The following PTPRM variants were observed in gnomAD, a reference collection of about 807,000 sequenced individuals.
PTPRM encodes protein tyrosine phosphatase receptor type M, also known as receptor-type tyrosine-protein phosphatase mu.
A neutral mutation model predicts 186.7 loss-of-function variants in PTPRM; 47 were observed. The ratio of observed to expected loss-of-function variants is 0.25; its 90% CI spans 0.20 to 0.32. PTPRM has a LOEUF of 0.32. PTPRM is among the 10% of genes least tolerant of loss of function. The pLI is 1.00. For synonymous variants in PTPRM, 668 were observed against 674.9 expected, an observed-to-expected ratio of 0.99 and a Z score of 0.16; for missense variants, 1,494 against 1,865.0, an observed-to-expected ratio of 0.80 and a Z score of 3.66.
intron 14 of PTPRM, among the ~76,000 whole-genome samples, chr18:8,182,490 T>C (rs2093589347): frequency 6.6e-6 from 1 of 152,238 alleles, no homozygotes; most frequent in South Asian, 2.1e-4. Flanking sequence ...GTCACACTAG[T>C]GATAGTACCC....
At chr18:7,748,438 A>T (rs979380161) in intron 1 of PTPRM, among the ~76,000 whole-genome samples, 9 of 151,870 alleles carry the variant, frequency 5.9e-5, no homozygotes, top group African/African-American at 1.7e-4. Context: ...TCTGCGTGGG[A>T]TGTGGATGTG....
intron 14 of PTPRM, among the ~76,000 whole-genome samples, chr18:8,157,489 T>C (rs2146303851): frequency 6.6e-6 from 1 of 152,304 alleles, no homozygotes; most frequent in Admixed American, 6.5e-5. Flanking sequence ...ACACACGGGA[T>C]GGGTCTTTAA....
chr18:8,243,504 T>C (rs536255953), intron 14 of PTPRM, among the ~76,000 whole-genome samples: 1 of 152,334 alleles, frequency 6.6e-6, no homozygotes, highest in East Asian at 1.9e-4. Context: ...GCTTTGTAGG[T>C]TCTGTGTCAG....
intron 2 of PTPRM, among the ~76,000 whole-genome samples, chr18:7,811,167 G>A (rs745801972): frequency 3.3e-5 from 5 of 152,166 alleles, no homozygotes; most frequent in African/African-American, 1.2e-4. Flanking sequence ...AAAGGCAAGC[G>A]TGGCTCAATA....
chr18:7,863,770 G>T (rs756291914), intron 2 of PTPRM, among the ~76,000 whole-genome samples: 33 of 152,192 alleles, frequency 2.2e-4, no homozygotes, highest in Middle Eastern at 3.4e-3. Flanking sequence ...TTGAGGAATC[G>T]CCACACTGTC....
At chr18:8,103,446 A>T (rs2091381108) in intron 11 of PTPRM, among the ~76,000 whole-genome samples, 1 of 152,186 alleles carries the variant, frequency 6.6e-6, no homozygotes, top group African/African-American at 2.4e-5. Context: ...TTGTACTTTT[A>T]TGTTATGAAG....
chr18:7,583,622 A>T (rs901101306), intron 1 of PTPRM, among the ~76,000 whole-genome samples: 1 of 152,354 alleles, frequency 6.6e-6, no homozygotes, highest in East Asian at 1.9e-4. Flanking sequence ...TAAAAGGAAA[A>T]ATACTTAGCT....
intron 23 of PTPRM, among the ~76,000 whole-genome samples, chr18:8,367,504 G>C (rs768987138): frequency 6.6e-6 from 1 of 152,272 alleles, no homozygotes; most frequent in Non-Finnish European, 1.5e-5. Context: ...CTGGGAGAGC[G>C]GCGGCACCTG....
chr18:8,049,821 C>A (rs528497998), intron 7 of PTPRM, among the ~76,000 whole-genome samples: 1 of 151,788 alleles, frequency 6.6e-6, no homozygotes, highest in Non-Finnish European at 1.5e-5. Flanking sequence ...ATGTGATTCT[C>A]CTGCCTCAGC....
At chr18:7,616,223 C>T (rs2037800175) in intron 1 of PTPRM, among the ~76,000 whole-genome samples, 1 of 152,158 alleles carries the variant, frequency 6.6e-6, no homozygotes, top group South Asian at 2.1e-4. Flanking sequence ...GTGGTGCCAT[C>T]ACTGCTCACT....
At chr18:8,400,181 A>G (rs2095864638) in intron 32 of PTPRM, among the ~76,000 whole-genome samples, 1 of 152,216 alleles carries the variant, frequency 6.6e-6, no homozygotes, top group Admixed American at 6.5e-5. Flanking sequence ...GATTCAGAAA[A>G]GAGCATCTCC....
intron 1 of PTPRM, among the ~76,000 whole-genome samples, chr18:7,633,320 C>T (rs2038235222): frequency 6.6e-6 from 1 of 152,100 alleles, no homozygotes; most frequent in Non-Finnish European, 1.5e-5. Context: ...ATTCTGTGGT[C>T]GTGTTACCTA....
chr18:7,590,792 A>G (rs568909188), intron 1 of PTPRM, among the ~76,000 whole-genome samples: 62 of 152,230 alleles, frequency 4.1e-4, no homozygotes, highest in Admixed American at 1.4e-3. Flanking sequence ...TTGGAAATGT[A>G]TGGAATACAA....
intron 1 of PTPRM, among the ~76,000 whole-genome samples, chr18:7,731,980 A>G (rs1177080720): frequency 6.6e-6 from 1 of 152,220 alleles, no homozygotes; most frequent in East Asian, 1.9e-4. Flanking sequence ...TTCTTTTTGG[A>G]GAGCAAGAAA....
intron 14 of PTPRM, among the ~76,000 whole-genome samples, chr18:8,213,615 A>G (rs12959959): frequency 0.27 from 40,947 of 152,016 alleles, 5,588 homozygotes; most frequent in Middle Eastern, 0.51. Flanking sequence ...TCCTACAGCA[A>G]CAGCCCTTCA....
intron 7 of PTPRM, among the ~76,000 whole-genome samples, chr18:8,023,653 G>A (rs1053932112): frequency 4.6e-5 from 7 of 152,120 alleles, no homozygotes; most frequent in Non-Finnish European, 7.4e-5. Context: ...GTCTTAAAAT[G>A]TTAAATGAAA....
chr18:7,980,349 C>T (rs2082481481), intron 7 of PTPRM, among the ~76,000 whole-genome samples: 1 of 152,022 alleles, frequency 6.6e-6, no homozygotes, highest in Non-Finnish European at 1.5e-5. Flanking sequence ...CTGCTGCCCC[C>T]TAGAGTTGCT....
intron 2 of PTPRM, among the ~76,000 whole-genome samples, chr18:7,798,872 T>A (rs527701293): frequency 6.6e-6 from 1 of 152,220 alleles, no homozygotes; most frequent in Non-Finnish European, 1.5e-5. Flanking sequence ...CATATACCTA[T>A]ATGTATTTAT....
chr18:8,184,752 G>T (rs1450897435), intron 14 of PTPRM, among the ~76,000 whole-genome samples: 2 of 152,168 alleles, frequency 1.3e-5, no homozygotes, highest in African/African-American at 2.4e-5. Context: ...ATTTATTTTT[G>T]ATGTTTAACC....
Sources: gnomAD v4.1 joint callset for allele counts (sites outside exome capture counted in the v4.1 genomes callset) on GRCh38, gnomAD v4.1.1 for gene constraint, MANE v1.5 for transcripts, NCBI Gene and HGNC (gene_info 2026-07-23, HGNC 2026-07-21) for gene names.